The following CXCL11 variants were observed in gnomAD, a reference collection of about 807,000 sequenced individuals.
CXCL11 encodes C-X-C motif chemokine ligand 11.
Under a neutral mutation model 9.7 loss-of-function variants are expected in CXCL11, and 7 were observed. That is an observed-to-expected ratio of 0.72 (90% CI 0.41 to 1.36). The LOEUF is 1.36. Ranked by LOEUF, CXCL11 falls within the 40% of genes most tolerant of loss-of-function variation. The pLI is 0.01. For synonymous variants in CXCL11, 35 were observed against 34.4 expected (o/e 1.02, Z -0.06); for missense variants, 107 against 113.4 (o/e 0.94, Z 0.26).
At chr4:76,035,861 G>A in intron 1 of CXCL11, 66 bp downstream of exon 1, 1 of 1,386,090 alleles carries the variant, frequency 7.2e-7, no homozygotes. Flanking sequence ...GATAAAAGTG[G>A]AAGAAAAGAC....
At position 76,034,415 on chromosome 4, in the gene CXCL11, G is replaced by A. The variant is rs1305940417; in HGVS notation, c.*378C>T. ...CATAGTCACAACAGAATAGTTGTAA[G>A]CATCAAATCTAGAAGGTTCTCTAGC... On this transcript the variant is annotated 3_prime_UTR_variant, in exon 4 of 4. Coordinates refer to ENST00000306621, the MANE Select transcript of CXCL11 (RefSeq NM_005409.5). The A allele has an allele frequency of 2.1e-6, 1 of 468,990 alleles. No homozygotes were observed. Among genetic ancestry groups the A allele is most frequent in the African/African-American group, 2.0e-5 (1 of 49,006 alleles). 29.1% of individuals were successfully genotyped at this position (468,990 alleles called of 1,614,324 possible). A position where few individuals can be genotyped will look rare whatever the true frequency, so the allele number is the denominator to read the frequency against.
At position 76,034,205 on chromosome 4, in the gene CXCL11, G is replaced by A. The variant is rs10025102; in HGVS notation, c.*588C>T. The A allele has an allele frequency of 0.59, 221,269 of 373,772 alleles. 68,686 individuals carry two copies. The highest frequency in any genetic ancestry group is 0.93 in the East Asian group (24,044 of 25,876). 23.2% of individuals were successfully genotyped at this position (373,772 alleles called of 1,614,324 possible). On this transcript the variant is annotated 3_prime_UTR_variant, in exon 4 of 4. Coordinates refer to ENST00000306621, the MANE Select transcript of CXCL11 (RefSeq NM_005409.5). The stretch of plus-strand genomic sequence containing the variant: ...CCTACATATTGATGTGCTACATGAT[G>A]TTTGGGGAAAGAAGTGTGTATTTGC...
At chr4:76,035,586 GT>G (rs1734313691) in intron 1 of CXCL11, among the ~76,000 whole-genome samples, 1 of 152,206 alleles carries the variant, frequency 6.6e-6, no homozygotes, top group South Asian at 2.1e-4. Context: ...GGTGAAGCTT[GT>G]TTTGCCCCCT....
chr4:76,035,626 A>G (rs1734319069), intron 1 of CXCL11, among the ~76,000 whole-genome samples: 1 of 152,350 alleles, frequency 6.6e-6, no homozygotes, highest in East Asian at 1.9e-4. Flanking sequence ...TTTTCCCAGG[A>G]AGCTTGTTAA....
rs372692015 is a variant in CXCL11 at position 76,035,072 on chromosome 4, G to A, written c.236C>T (p.Ser79Leu). ...TTTGATTATAAGCCTTGCTTGCTTC[G>A]ATTTGGGATTTAGGCATCGTTGTCC... ...NKGQRCLNPKSKQARLIIKKV... is the reference protein window; with the variant it reads ...NKGQRCLNPKLKQARLIIKKV... The change falls in exon 3 of 4, where the codon TCG (serine) becomes TTG (leucine). Residue 79 changes from serine (S) to leucine (L), a missense_variant. Ser to Leu is a moderately radical substitution (Grantham distance 145). Transcript: ENST00000306621. 4.3e-6 allele frequency: 7 copies of A among 1,613,668 alleles called. No homozygotes were observed. In the South Asian group the frequency reaches 5.5e-5, roughly 13 times the overall value.
At position 76,034,691 on chromosome 4, in the gene CXCL11, C is replaced by G; in HGVS notation, c.*102G>C. ...AAGTCACAAAACCATAGAAAAGTCTCAGTTTCCTACTGTAGAATTCTTGTC... is the reference window on the plus strand; with the variant it reads ...AAGTCACAAAACCATAGAAAAGTCTGAGTTTCCTACTGTAGAATTCTTGTC... On this transcript the variant is annotated 3_prime_UTR_variant, in exon 4 of 4. Transcript: ENST00000306621. The G allele has an allele frequency of 1.1e-6, 1 of 911,244 alleles. No homozygotes were observed. Among genetic ancestry groups the G allele is most frequent in the Non-Finnish European group, 1.7e-6 (1 of 586,340 alleles). 56.4% of individuals were successfully genotyped at this position (911,244 alleles called of 1,614,324 possible).
At position 76,033,778 on chromosome 4, in the gene CXCL11, T is replaced by C. The variant is rs1216126705; in HGVS notation, c.*1015A>G. ...GAGTATACCTAAATTTTACAGTATA[T>C]AGGCATGAACAAAGAAATTGATTAG... On this transcript the variant is annotated 3_prime_UTR_variant, in exon 4 of 4. Transcript: ENST00000306621. The C allele has an allele frequency of 6.6e-6, 1 of 152,192 alleles. No individual in the cohort carries two copies. Among genetic ancestry groups the C allele is most frequent in the Non-Finnish European group, 1.5e-5 (1 of 68,024 alleles). The allele number at this position is 152,192 out of a possible 1,614,324, so 9.4% of individuals were successfully genotyped here. A position where few individuals can be genotyped will look rare whatever the true frequency, so the allele number is the denominator to read the frequency against.
rs765218044 is a variant in CXCL11 at position 76,034,278 on chromosome 4, C to T, written c.*515G>A. On this transcript the variant is annotated 3_prime_UTR_variant, in exon 4 of 4. Transcript: ENST00000306621. ...TTTTACGACACATAGATGCTTTTGACTTATAAGGGCTTGACTCCAGTAATA... is the reference window on the plus strand; with the variant it reads ...TTTTACGACACATAGATGCTTTTGATTTATAAGGGCTTGACTCCAGTAATA... 3.0e-5 allele frequency: 12 copies of T among 396,362 alleles called. No individual in the cohort carries two copies. Among genetic ancestry groups the T allele is most frequent in the Non-Finnish European group, 5.3e-5 (12 of 225,232 alleles). 24.6% of individuals were successfully genotyped at this position (396,362 alleles called of 1,614,324 possible).
rs1277244905 is a variant in CXCL11 at position 76,033,689 on chromosome 4, A to T, written c.*1104T>A. ...CTGGAAAGTATATAGATCTTTTTTT[A>T]AAAAAGAAAGGTTGTGGTAGTTTAT... On this transcript the variant is annotated 3_prime_UTR_variant, in exon 4 of 4. Coordinates refer to ENST00000306621, the MANE Select transcript of CXCL11 (RefSeq NM_005409.5). 1 of 152,184 alleles carries T rather than the reference A, an allele frequency of 6.6e-6. No individual in the cohort carries two copies. Among genetic ancestry groups the T allele is most frequent in the Non-Finnish European group, 1.5e-5 (1 of 68,028 alleles). The allele number at this position is 152,184 out of a possible 1,614,324, so 9.4% of individuals were successfully genotyped here. A position where few individuals can be genotyped will look rare whatever the true frequency, so the allele number is the denominator to read the frequency against.
chr4:76,035,307 T>G lies in CXCL11; in HGVS notation c.97A>C (p.Ile33Leu). The change falls in exon 2 of 4, where the codon ATA (isoleucine) becomes CTA (leucine). Residue 33 changes from isoleucine (I) to leucine (L), a missense_variant. Coordinates refer to ENST00000306621, the MANE Select transcript of CXCL11 (RefSeq NM_005409.5). ...TTCACTGCTTTTACCCCAGGGCCTA[T>G]GCAAAGACAGCGTCCTCTTTTGAAC... ...PMFKRGRCLC[I>L]GPGVKAVKVA... The G allele has an allele frequency of 6.2e-7, 1 of 1,614,074 alleles. No individual in the cohort carries two copies. The highest frequency in any genetic ancestry group is 8.5e-7 in the Non-Finnish European group (1 of 1,179,928).
intron 3 of CXCL11, 66 bp downstream of exon 3, chr4:76,034,981 T>G (rs1734221354): frequency 6.7e-7 from 1 of 1,483,496 alleles, no homozygotes; most frequent in Admixed American, 1.7e-5. Context: ...TCCACATTAT[T>G]TTCTTTTTCA....
Position 76,036,011 on chromosome 4 carries a change from G to A in CXCL11, c.-24C>T. Reference sequence around the variant, plus strand: ...ATGTTTGTTTTTTGCTGTTGCTGCTGGTGCTGCTGCTGCTACTTCAGCTTT... The same window carrying A: ...ATGTTTGTTTTTTGCTGTTGCTGCTAGTGCTGCTGCTGCTACTTCAGCTTT... On this transcript the variant is annotated 5_prime_UTR_variant, in exon 1 of 4. Coordinates refer to ENST00000306621, the MANE Select transcript of CXCL11 (RefSeq NM_005409.5). The A allele has an allele frequency of 6.2e-7, 1 of 1,609,342 alleles. No homozygotes were observed. The highest frequency in any genetic ancestry group is 1.1e-5 in the South Asian group (1 of 90,318).
Position 76,035,311 on chromosome 4 carries a change from A to T in CXCL11, c.93T>A (p.Leu31=), listed in dbSNP as rs1027600610. The change falls in exon 2 of 4, where the codon CTT becomes CTA. Residue 31 remains leucine (L), a synonymous_variant. Coordinates refer to ENST00000306621, the MANE Select transcript of CXCL11 (RefSeq NM_005409.5). ...CTGCTTTTACCCCAGGGCCTATGCA[A>T]AGACAGCGTCCTCTTTTGAACATGG... ...GFPMFKRGRC[L]CIGPGVKAVK... 4.3e-6 allele frequency: 7 copies of T among 1,613,920 alleles called. No individual in the cohort carries two copies. The highest frequency in any genetic ancestry group is 8.5e-7 in the Non-Finnish European group (1 of 1,179,926).
At position 76,034,544 on chromosome 4, in the gene CXCL11, A is replaced by G; in HGVS notation, c.*249T>C. ...TTAAGGTAGCTTTTCCTAGAAATCCATTTAATTGTTGGACTCCTTTGGGCA... is the reference window on the plus strand; with the variant it reads ...TTAAGGTAGCTTTTCCTAGAAATCCGTTTAATTGTTGGACTCCTTTGGGCA... On this transcript the variant is annotated 3_prime_UTR_variant, in exon 4 of 4. Transcript: ENST00000306621. The G allele has an allele frequency of 1.9e-6, 1 of 520,826 alleles. No homozygotes were observed. The highest frequency in any genetic ancestry group is 3.2e-5 in the South Asian group (1 of 31,240). 32.3% of individuals were successfully genotyped at this position (520,826 alleles called of 1,614,324 possible). A position where few individuals can be genotyped will look rare whatever the true frequency, so the allele number is the denominator to read the frequency against.
At position 76,035,270 on chromosome 4, in the gene CXCL11, A is replaced by G. The variant is rs1377651430; in HGVS notation, c.134T>C (p.Ile45Thr). The change falls in exon 2 of 4, where the codon ATT becomes ACT. Residue 45 changes from isoleucine to threonine, a missense_variant. Coordinates refer to ENST00000306621, the MANE Select transcript of CXCL11 (RefSeq NM_005409.5). ...PGVKAVKVAD[I>T]EKASIMYPSN... ...TGGGTACATTATGGAGGCTTTCTCA[A>G]TATCTGCCACTTTCACTGCTTTTAC... is the stretch of plus-strand genomic sequence containing the variant. The G allele has an allele frequency of 1.7e-5, 28 of 1,614,054 alleles. No homozygotes were observed. Among genetic ancestry groups the G allele is most frequent in the Non-Finnish European group, 2.3e-5 (27 of 1,179,934 alleles).
At chr4:76,035,901 G>A (rs750416577) in intron 1 of CXCL11, 26 bp downstream of exon 1, 14 of 1,601,182 alleles carry the variant, frequency 8.7e-6, no homozygotes, top group East Asian at 6.7e-5. Flanking sequence ...GAACTTATAG[G>A]TTGAGAAATA....
In CXCL11 at chr4:76,034,060, A is replaced by G. The variant is rs1734113127; in HGVS notation, c.*733T>C. 1 of 168,550 alleles carries G rather than the reference A, an allele frequency of 5.9e-6. No individual in the cohort carries two copies. Among genetic ancestry groups the G allele is most frequent in the African/African-American group, 2.4e-5 (1 of 42,156 alleles). 10.4% of individuals were successfully genotyped at this position (168,550 alleles called of 1,614,324 possible). A position where few individuals can be genotyped will look rare whatever the true frequency, so the allele number is the denominator to read the frequency against. ...TAAGACTGGTGCTACTAATTTGGTT[A>G]TGAAATATGTGCACTTTTGCCAGTA... On this transcript the variant is annotated 3_prime_UTR_variant, in exon 4 of 4. Transcript: ENST00000306621.
In CXCL11 at chr4:76,035,324, C is replaced by CT; in HGVS notation, c.79dup (p.Arg27LysfsTer20). On this transcript the variant is annotated frameshift_variant, in exon 2 of 4. Transcript: ENST00000306621. LOFTEE classifies it high-confidence loss of function. ...AGGGCCTATGCAAAGACAGCGTCCT[C>CT]TTTTGAACATGGGGAAGCCTAGAAT... The CT allele has an allele frequency of 1.2e-6, 2 of 1,613,992 alleles. No individual in the cohort carries two copies. The highest frequency in any genetic ancestry group is 1.7e-6 in the Non-Finnish European group (2 of 1,179,898).
At position 76,033,807 on chromosome 4, in the gene CXCL11, ATG is replaced by A. The variant is rs1734091768; in HGVS notation, c.*984_*985del. ...CATGAACAAAGAAATTGATTAGATT[ATG>A]TATTTTTCTAAGAGACAGAATTACA... On this transcript the variant is annotated 3_prime_UTR_variant, in exon 4 of 4. Coordinates refer to ENST00000306621, the MANE Select transcript of CXCL11 (RefSeq NM_005409.5). The A allele has an allele frequency of 6.6e-6, 1 of 152,208 alleles. No individual in the cohort carries two copies. The highest frequency in any genetic ancestry group is 2.4e-5 in the African/African-American group (1 of 41,448). 9.4% of individuals were successfully genotyped at this position (152,208 alleles called of 1,614,324 possible). A position where few individuals can be genotyped will look rare whatever the true frequency, so the allele number is the denominator to read the frequency against.
Sources: allele counts gnomAD v4.1 joint callset (sites outside exome capture counted in the v4.1 genomes callset), GRCh38; gene constraint gnomAD v4.1.1; transcripts MANE v1.5; gene names NCBI Gene and HGNC (gene_info 2026-07-23, HGNC 2026-07-21).